The following MYO7B variants were observed in gnomAD, a reference collection of about 807,000 sequenced individuals.
The protein encoded by MYO7B is unconventional myosin-VIIb.
MYO7B carries 212 observed loss-of-function variants against 259.7 expected under a neutral mutation model. The observed-to-expected ratio is 0.82, with a 90% confidence interval of 0.73 to 0.91. MYO7B has a LOEUF of 0.91. Ranked by LOEUF, MYO7B falls within the 40% of genes least tolerant of loss-of-function variation. The pLI is 0.00. For synonymous variants in MYO7B, 1,197 were observed against 1,166.4 expected (o/e 1.03, Z -0.54); for missense variants, 2,732 against 2,813.5 (o/e 0.97, Z 0.66).
At chr2:127,604,996 T>C (rs764794457) in intron 19 of MYO7B, among the ~76,000 whole-genome samples, 33 of 152,194 alleles carry the variant, frequency 2.2e-4, no homozygotes, top group Non-Finnish European at 1.2e-4. Flanking sequence ...ATGATACCAA[T>C]AGACTAGCTC....
At position 127,577,250 on chromosome 2, in the gene MYO7B, T is replaced by C. The variant is rs1678907043; in HGVS notation, c.849+542T>C. On this transcript the variant is annotated intron_variant, in intron 8 of 47. Transcript: ENST00000409816. This position sits in a 1 kb window ranked among gnomAD's most constrained non-coding sequence, Gnocchi z 5.2. ...GAGTGGACCCAGAGCATTCTGCCTC[T>C]GGGATCTCTCCCATGCAACCCTCTC... 6.6e-6 allele frequency among the ~76,000 whole-genome samples: 1 copy of C among 152,128 alleles called. No individual in the cohort carries two copies. The highest frequency in any genetic ancestry group is 2.4e-5 in the African/African-American group (1 of 41,422).
At chr2:127,631,394 C>G in intron 37 of MYO7B, 31 bp downstream of exon 37, 1 of 1,589,190 alleles carries the variant, frequency 6.3e-7, no homozygotes, top group Non-Finnish European at 8.6e-7. Context: ...GCCTGCACCT[C>G]GTCAATGCCA....
rs758719218 is a variant in MYO7B, at chr2:127,620,404, C to G, written c.3463C>G (p.Arg1155Gly). 6.9e-6 allele frequency: 10 copies of G among 1,450,738 alleles called. No homozygotes were observed. Among genetic ancestry groups the G allele is most frequent in the South Asian group, 3.4e-5 (3 of 88,840 alleles). 89.9% of individuals were successfully genotyped at this position (1,450,738 alleles called of 1,614,324 possible). A position where few individuals can be genotyped will look rare whatever the true frequency, so the allele number is the denominator to read the frequency against. Reference protein sequence around the residue: ...SENFKTSSLARGWILLSLCLG... With the variant: ...SENFKTSSLAGGWILLSLCLG... ...GAACTTCAAAACAAGCAGCCTGGCC[C>G]GGGGCTGGATCCTGCTCAGCCTCTG... Residue 1155 changes from arginine (R) to glycine (G), a missense_variant, in exon 27 of 48, where the codon CGG becomes GGG. Arg to Gly is a moderately radical substitution (Grantham distance 125). This residue lies in a region of MYO7B where 1,906 missense variants were observed against 2,026.4 expected (regional missense o/e 0.94). Transcript: ENST00000409816.
In MYO7B at chr2:127,627,908, T is replaced by TC. The variant is rs1404531523; in HGVS notation, c.4461-460dup. On this transcript the variant is annotated intron_variant, in intron 33 of 47. Transcript: ENST00000409816. The surrounding 1 kb of genome is among the most constrained non-coding windows in gnomAD (Gnocchi z 5.6). ...GTGCCAGGTGTACAGTGGCCACCAC[T>TC]CCCCACTGGCCACCTCTCACTGAGG... is the stretch of plus-strand genomic sequence containing the variant. 1 of 459,444 alleles carries TC rather than the reference T, an allele frequency of 2.2e-6. No homozygotes were observed. The highest frequency in any genetic ancestry group is 4.4e-6 in the Non-Finnish European group (1 of 229,122). 28.5% of individuals were successfully genotyped at this position (459,444 alleles called of 1,614,324 possible). A position where few individuals can be genotyped will look rare whatever the true frequency, so the allele number is the denominator to read the frequency against.
chr2:127,627,528 C>T lies in MYO7B; in HGVS notation c.4460+218C>T, dbSNP rs201411705. ...TGAAGTACTCCATTGGGGCATCACG[C>T]GTTGCACTGGCAGCTTCTCTTTGAA... On this transcript the variant is annotated intron_variant, in intron 33 of 47. Coordinates refer to ENST00000409816, the MANE Select transcript of MYO7B (RefSeq NM_001393586.1). The surrounding 1 kb of genome is among the most constrained non-coding windows in gnomAD (Gnocchi z 5.6). 1.0e-3 allele frequency: 742 copies of T among 710,344 alleles called. 12 individuals carry two copies. Among genetic ancestry groups the T allele is most frequent in the South Asian group, 5.6e-3 (378 of 67,422 alleles). The allele number at this position is 710,344 out of a possible 1,614,324, so 44.0% of individuals were successfully genotyped here.
chr2:127,637,379 C>T lies in MYO7B; in HGVS notation c.6391C>T (p.Gln2131Ter), dbSNP rs1478759484. 3 of 1,579,464 alleles carry T rather than the reference C, an allele frequency of 1.9e-6. No homozygotes were observed. The highest frequency in any genetic ancestry group is 1.7e-4 in the Middle Eastern group (1 of 5,916). ...GCAGCTCCTGAGTGCCATGAACAAG[C>T]AGCGGGGCTCCAAGGCCCCAGCCCT... ...VQQLLSAMNKQRGSKAPALAS... is the reference protein window; with the variant it reads ...VQQLLSAMNK The change falls in exon 48 of 48, where the codon CAG (glutamine) becomes TAG (stop). Residue 2131 changes from glutamine to a stop codon, truncating the protein, a stop_gained. Transcript: ENST00000409816. LOFTEE classifies it low-confidence loss of function (END_TRUNC).
intron 34 of MYO7B, 32 bp from the exon 35 acceptor site, chr2:127,629,613 G>A: frequency 6.3e-7 from 1 of 1,598,810 alleles, no homozygotes; most frequent in Non-Finnish European, 8.5e-7. Context: ...CCCCTGCAGA[G>A]CCCTCAGCAA....
chr2:127,605,501 CAGG>C (rs1295744828), intron 19 of MYO7B, among the ~76,000 whole-genome samples: 1 of 152,176 alleles, frequency 6.6e-6, no homozygotes, highest in Non-Finnish European at 1.5e-5. Context: ...GAGGTTGAAG[CAGG>C]AGAATTGCTC....
chr2:127,613,382 C>G lies in MYO7B; in HGVS notation c.3398+779C>G, dbSNP rs1323810704. 2.6e-5 allele frequency among the ~76,000 whole-genome samples: 4 copies of G among 152,134 alleles called. No homozygotes were observed. The highest frequency in any genetic ancestry group is 5.9e-5 in the Non-Finnish European group (4 of 68,022). On this transcript the variant is annotated intron_variant, in intron 26 of 47. Coordinates refer to ENST00000409816, the MANE Select transcript of MYO7B (RefSeq NM_001393586.1). The surrounding 1 kb of genome is among the most constrained non-coding windows in gnomAD (Gnocchi z 4.3). Reference sequence around the variant, plus strand: ...TATCCATCCAACAAATGTTTTATTTCAGATATTGTATTTTTCAGTTCTAGA... The same window carrying G: ...TATCCATCCAACAAATGTTTTATTTGAGATATTGTATTTTTCAGTTCTAGA...
At position 127,582,025 on chromosome 2, in the gene MYO7B, G is replaced by T; in HGVS notation, c.1200+15G>T. 6.2e-7 allele frequency: 1 copy of T among 1,613,514 alleles called. No individual in the cohort carries two copies. Among genetic ancestry groups the T allele is most frequent in the South Asian group, 1.1e-5 (1 of 91,040 alleles). ...CCTTTGTCAAGGTACAGAGCTGAGA[G>T]AGCAGGGCTTACATGGCCATCTGTT... On this transcript the variant is annotated intron_variant, in intron 11 of 47. Coordinates refer to ENST00000409816, the MANE Select transcript of MYO7B (RefSeq NM_001393586.1).
chr2:127,580,650 G>A (rs551022356), intron 9 of MYO7B, 96 bp from the exon 10 acceptor site: 4 of 1,215,364 alleles, frequency 3.3e-6, no homozygotes, highest in South Asian at 2.6e-5. Flanking sequence ...GTCCTCCTGA[G>A]TGGATCTGGG....
intron 18 of MYO7B, 101 bp downstream of exon 18, chr2:127,593,745 C>T: frequency 9.4e-7 from 1 of 1,065,244 alleles, no homozygotes; most frequent in Non-Finnish European, 1.4e-6. Context: ...TGCCCTGAGC[C>T]AATGACACTG....
intron 5 of MYO7B, among the ~76,000 whole-genome samples, chr2:127,567,303 C>T (rs1369185892): frequency 6.6e-6 from 1 of 150,568 alleles, no homozygotes; most frequent in Non-Finnish European, 1.5e-5. Flanking sequence ...AGGAGTTGAA[C>T]AGGTGAGGGC....
At chr2:127,538,187 G>A (rs1222128698) in intron 1 of MYO7B, among the ~76,000 whole-genome samples, 3 of 152,132 alleles carry the variant, frequency 2.0e-5, no homozygotes, top group Admixed American at 6.5e-5. Flanking sequence ...GGAGGAAGTG[G>A]TAGCTGCAAA....
Position 127,635,733 on chromosome 2 carries a change from G to A in MYO7B, c.5832G>A (p.Lys1944=). 6.2e-7 allele frequency: 1 copy of A among 1,602,370 alleles called. No individual in the cohort carries two copies. Among genetic ancestry groups the A allele is most frequent in the South Asian group, 1.1e-5 (1 of 88,706 alleles). ...TGTCCATCACCCAGGAGCTGCCCAAGTACCTGCGCGGATTCCACAAGTGTT... is the reference window on the plus strand; with the variant it reads ...TGTCCATCACCCAGGAGCTGCCCAAATACCTGCGCGGATTCCACAAGTGTT... The part of the protein sequence containing the change: ...TILHYHQELP[K]YLRGFHKCSR... The change falls in exon 44 of 48, where the codon AAG becomes AAA. Residue 1944 remains lysine, a synonymous_variant. Coordinates refer to ENST00000409816, the MANE Select transcript of MYO7B (RefSeq NM_001393586.1).
chr2:127,635,113 C>T lies in MYO7B; in HGVS notation c.5714-7C>T, dbSNP rs13391954. 0.096 allele frequency: 154,430 copies of T among 1,608,086 alleles called. 8,183 individuals carry two copies. Among genetic ancestry groups the T allele is most frequent in the Middle Eastern group, 0.13 (810 of 6,052 alleles). On this transcript the variant is annotated splice_polypyrimidine_tract_variant and splice_region_variant and intron_variant, in intron 42 of 47. Transcript: ENST00000409816. ...AGGCTTGGTGCCCACTGCTGGCCCT[C>T]GCCCAGGGGCCCCCGTGACGCTCCC...
rs528018907 is a variant in MYO7B at position 127,634,086 on chromosome 2, G to A, written c.5512-90G>A. On this transcript the variant is annotated intron_variant, in intron 40 of 47. Coordinates refer to ENST00000409816, the MANE Select transcript of MYO7B (RefSeq NM_001393586.1). The stretch of plus-strand genomic sequence containing the variant: ...CCACATCCAACCCAAGTTTCATGAA[G>A]GAGCAAAAGTGCCAGGCTAGGAAGG... The A allele has an allele frequency of 5.3e-5, 55 of 1,039,300 alleles. 1 individual carries two copies. The South Asian group carries it at 8.1e-4, about 15-fold the overall frequency. 64.4% of individuals were successfully genotyped at this position (1,039,300 alleles called of 1,614,324 possible).
intron 36 of MYO7B, 128 bp from the exon 37 acceptor site, chr2:127,631,078 C>T: frequency 7.1e-7 from 1 of 1,403,694 alleles, no homozygotes; most frequent in Non-Finnish European, 9.5e-7. Context: ...CCAGGGGAGT[C>T]AGGAGGGGCT....
intron 12 of MYO7B, among the ~76,000 whole-genome samples, chr2:127,583,765 G>A (rs1679195768): frequency 6.6e-6 from 1 of 152,166 alleles, no homozygotes; most frequent in Non-Finnish European, 1.5e-5. Context: ...CTCACGGGTA[G>A]GGCTGCTGGT....
Sources: allele counts gnomAD v4.1 joint callset (sites outside exome capture counted in the v4.1 genomes callset), GRCh38; gene constraint gnomAD v4.1.1; regional missense constraint gnomAD v4.1.1; non-coding constraint Gnocchi (gnomAD v3.1); transcripts MANE v1.5; gene names NCBI Gene and HGNC (gene_info 2026-07-23, HGNC 2026-07-21).